Variants in CENATAC observed in about 807,000 individuals in gnomAD.
The protein encoded by CENATAC is centrosomal AT-AC splicing factor.
In CENATAC, 53 loss-of-function variants were observed where a neutral mutation model predicts 53.7. The observed-to-expected ratio is 0.99, with a 90% CI of 0.79 to 1.24. The LOEUF (loss-of-function observed/expected upper bound fraction) is 1.24, where lower values mean the gene tolerates loss of function less well. Among genes scored for constraint, CENATAC ranks in the 50% most tolerant of loss-of-function variants. The pLI is 0.00. For synonymous variants in CENATAC, 156 were observed against 144.6 expected, an observed-to-expected ratio of 1.08 and a Z score of -0.57; for missense variants, 474 against 417.8, an observed-to-expected ratio of 1.13 and a Z score of -1.17.
intron 8 of CENATAC, 36 bp downstream of exon 8, chr11:119,013,298 G>A: frequency 6.5e-7 from 1 of 1,531,022 alleles, no homozygotes; most frequent in East Asian, 2.3e-5. Flanking sequence ...AACCCTGGGA[G>A]ATTTTTTTTT....
At chr11:119,001,963 C>T (rs1942319773) in intron 3 of CENATAC, 1 of 212,306 alleles carries the variant, frequency 4.7e-6, no homozygotes, top group South Asian at 6.6e-5. Flanking sequence ...GTGGCTGACA[C>T]CTGTAATCCC....
intron 9 of CENATAC, 77 bp from the exon 10 acceptor site, chr11:119,015,230 A>T: frequency 6.7e-7 from 1 of 1,503,266 alleles, no homozygotes. Flanking sequence ...GTTTGAAAAC[A>T]GCCTGGACAA....
intron 3 of CENATAC, among the ~76,000 whole-genome samples, chr11:119,006,182 G>T (rs1942586896): frequency 7.1e-6 from 1 of 140,454 alleles, no homozygotes; most frequent in South Asian, 2.2e-4. Flanking sequence ...TGCCTCCCAG[G>T]TTCAAGCGAT....
intron 3 of CENATAC, 26 bp from the exon 4 acceptor site, chr11:119,010,738 G>A: frequency 6.2e-7 from 1 of 1,610,188 alleles, no homozygotes; most frequent in Non-Finnish European, 8.5e-7. Context: ...ATGGGTTCTG[G>A]GTGGTTTTGC....
rs373436467 is a variant in CENATAC at position 118,999,035 on chromosome 11, C to G, written c.309C>G (p.Asn103Lys). 51 of 1,613,950 alleles carry G rather than the reference C, an allele frequency of 3.2e-5. No individual in the cohort carries two copies. In the African/African-American group the frequency reaches 4.1e-4, roughly 13 times the overall value. ...GCCCAGAGCACAAGAAAGCAACCAA[C>G]AAATTCTGGTGGGAGAACAAAGCTG... ...LASPEHKKATNKFWWENKAEV... is the reference protein window; with the variant it reads ...LASPEHKKATKKFWWENKAEV... The change falls in exon 3 of 11, where the codon AAC becomes AAG. Residue 103 changes from asparagine to lysine, a missense_variant. Transcript: ENST00000334418.
In CENATAC at chr11:119,015,563, G is replaced by A. The variant is rs1176255213; in HGVS notation, c.964G>A (p.Ala322Thr). ...ACATCAATTCAAAACTGAAGCTGCAGCAATGAAGAAGCAGTCACATACAGA... is the reference window on the plus strand; with the variant it reads ...ACATCAATTCAAAACTGAAGCTGCAACAATGAAGAAGCAGTCACATACAGA... ...SRHQFKTEAAAMKKQSHTEKS is the reference protein window; with the variant it reads ...SRHQFKTEAATMKKQSHTEKS The change falls in exon 11 of 11, where the codon GCA becomes ACA. Residue 322 changes from alanine (A) to threonine (T), a missense_variant. By Grantham distance (58) the Ala-to-Thr change is moderately conservative. Coordinates refer to ENST00000334418, the MANE Select transcript of CENATAC (RefSeq NM_198489.3). 2 of 1,614,108 alleles carry A rather than the reference G, an allele frequency of 1.2e-6. No homozygotes were observed. Among genetic ancestry groups the A allele is most frequent in the Admixed American group, 1.7e-5 (1 of 60,022 alleles).
chr11:119,010,586 G>A lies in CENATAC; in HGVS notation c.384-178G>A, dbSNP rs1009031484. The A allele has an allele frequency of 1.2e-5, 7 of 589,084 alleles. No homozygotes were observed. In the Admixed American group the frequency reaches 1.8e-4, roughly 15 times the overall value. The allele number at this position is 589,084 out of a possible 1,614,324, so 36.5% of individuals were successfully genotyped here. A position where few individuals can be genotyped will look rare whatever the true frequency, so the allele number is the denominator to read the frequency against. ...GGACGTGTGTCTGTACAAAAGAAGTGGAGCCAGTATGGCAAAATGTTTACA... is the reference window on the plus strand; with the variant it reads ...GGACGTGTGTCTGTACAAAAGAAGTAGAGCCAGTATGGCAAAATGTTTACA... On this transcript the variant is annotated intron_variant, in intron 3 of 10. Coordinates refer to ENST00000334418, the MANE Select transcript of CENATAC (RefSeq NM_198489.3).
At chr11:119,006,497 A>G (rs996949091) in intron 3 of CENATAC, among the ~76,000 whole-genome samples, 3 of 151,822 alleles carry the variant, frequency 2.0e-5, no homozygotes, top group Non-Finnish European at 4.4e-5. Flanking sequence ...CGGCCTCCCA[A>G]AGTCTGGGAT....
intron 8 of CENATAC, 100 bp downstream of exon 8, chr11:119,013,362 C>G: frequency 1.2e-6 from 1 of 824,854 alleles, no homozygotes; most frequent in Non-Finnish European, 2.0e-6. Flanking sequence ...GTGGCGCAAT[C>G]TCAGCTCGCT....
Position 118,998,439 on chromosome 11 carries a change from GC to G in CENATAC, c.133del (p.Arg45AlafsTer33), listed in dbSNP as rs1320945093. ...GGCCTCTCTGCGGCAGGTGGAGGCG[GC>G]CCGCAAGGCCATCCGCGCCGCTCAG... Reference protein sequence around the residue: ...LERLLPQVEAARKAIRAAQVE... With the variant: ...LERLLPQVEAXRKAIRAAQVE... On this transcript the variant is annotated frameshift_variant, in exon 2 of 11. Coordinates refer to ENST00000334418, the MANE Select transcript of CENATAC (RefSeq NM_198489.3). LOFTEE classifies it high-confidence loss of function. 6.2e-7 allele frequency: 1 copy of G among 1,611,868 alleles called. No individual in the cohort carries two copies. Among genetic ancestry groups the G allele is most frequent in the East Asian group, 2.2e-5 (1 of 44,874 alleles).
intron 3 of CENATAC, 28 bp downstream of exon 3, chr11:118,999,137 A>G (rs1327240419): frequency 1.3e-6 from 2 of 1,513,288 alleles, no homozygotes; most frequent in Non-Finnish European, 1.8e-6. Context: ...AACGTGAAGT[A>G]GCAGAGTGAA....
chr11:119,006,336 C>T (rs1262061996), intron 3 of CENATAC, among the ~76,000 whole-genome samples: 1 of 30,780 alleles, frequency 3.2e-5, no homozygotes, highest in Admixed American at 3.4e-4. Context: ...CCTGGGTTCA[C>T]GCCATTCTCC....
rs1942105557 is a variant in CENATAC, at chr11:118,998,193, G to C, written c.-5G>C. On this transcript the variant is annotated 5_prime_UTR_variant, in exon 1 of 11. Transcript: ENST00000334418. ...CTGGTGGTGGTGATACCGGGTACCCGGGCTATGGCGCCGGCGCAGCGCTGC... is the reference window on the plus strand; with the variant it reads ...CTGGTGGTGGTGATACCGGGTACCCCGGCTATGGCGCCGGCGCAGCGCTGC... 1.3e-6 allele frequency: 2 copies of C among 1,577,368 alleles called. No homozygotes were observed. Among genetic ancestry groups the C allele is most frequent in the East Asian group, 4.7e-5 (2 of 42,762 alleles).
chr11:119,014,070 G>C (rs2134575794), intron 8 of CENATAC: 1 of 152,256 alleles, frequency 6.6e-6, no homozygotes, highest in Non-Finnish European at 1.5e-5. Context: ...AAAACAGTTT[G>C]GGATACACCT....
Position 119,003,311 on chromosome 11 carries a change from C to T in CENATAC, c.383+4202C>T, listed in dbSNP as rs57435926. Reference sequence around the variant, plus strand: ...CCTCCGGAGTCGCAATGTCTTGGGCCGCCAGAAGGCTAGTGATACGCGGAT... The same window carrying T: ...CCTCCGGAGTCGCAATGTCTTGGGCTGCCAGAAGGCTAGTGATACGCGGAT... On this transcript the variant is annotated intron_variant, in intron 3 of 10. Transcript: ENST00000334418. The T allele has an allele frequency of 5.9e-3, 3,144 of 530,354 alleles. 48 individuals carry two copies. Among genetic ancestry groups the T allele is most frequent in the South Asian group, 0.024 (1,731 of 71,968 alleles). The allele number at this position is 530,354 out of a possible 1,614,324, so 32.9% of individuals were successfully genotyped here. A position where few individuals can be genotyped will look rare whatever the true frequency, so the allele number is the denominator to read the frequency against.
In CENATAC at chr11:119,015,022, TGAA is replaced by T. The variant is rs782144756; in HGVS notation, c.748_750del (p.Glu250del). ...CCACACCTCCCTGGATGATCCAAGATGAAGAATACATTGCTGGGAACCAAGAAA... is the reference window on the plus strand; with the variant it reads ...CCACACCTCCCTGGATGATCCAAGATGAATACATTGCTGGGAACCAAGAAA... On this transcript the variant is annotated inframe_deletion, in exon 9 of 11. Transcript: ENST00000334418. 138 of 1,609,706 alleles carry T rather than the reference TGAA, an allele frequency of 8.6e-5. No individual in the cohort carries two copies. The highest frequency in any genetic ancestry group is 1.0e-4 in the Non-Finnish European group (123 of 1,178,716).
chr11:119,000,828 C>A (rs1942257531), intron 3 of CENATAC, among the ~76,000 whole-genome samples: 1 of 151,992 alleles, frequency 6.6e-6, no homozygotes, highest in South Asian at 2.1e-4. Flanking sequence ...TGGTCTCGAA[C>A]TTCTGGGCTC....
chr11:119,015,537 G>A lies in CENATAC; in HGVS notation c.939-1G>A. The A allele has an allele frequency of 6.2e-7, 1 of 1,614,036 alleles. No homozygotes were observed. The highest frequency in any genetic ancestry group is 8.5e-7 in the Non-Finnish European group (1 of 1,180,026). Reference sequence around the variant, plus strand: ...CGTGTTAACCCTTTATTTCCTTTCAGACATCAATTCAAAACTGAAGCTGCA... The same window carrying A: ...CGTGTTAACCCTTTATTTCCTTTCAAACATCAATTCAAAACTGAAGCTGCA... On this transcript the variant is annotated splice_acceptor_variant, in intron 10 of 10. Transcript: ENST00000334418. LOFTEE classifies it high-confidence loss of function.
chr11:118,998,503 G>C lies in CENATAC; in HGVS notation c.194G>C (p.Trp65Ser), dbSNP rs782205675. 1.9e-6 allele frequency: 3 copies of C among 1,612,576 alleles called. No individual in the cohort carries two copies. In the African/African-American group the frequency reaches 4.0e-5, roughly 22 times the overall value. The part of the protein sequence containing the change: ...RYVPEHERCC[W>S]CLCCGCEVRE... ...GTGCCCGAACACGAGCGATGCTGCT[G>C]GTGCCTGTGCTGCGGCTGTGAGGTG... Residue 65 changes from tryptophan to serine, a missense_variant, in exon 2 of 11, where the codon TGG (tryptophan) becomes TCG (serine). By Grantham distance (177) the Trp-to-Ser change is radical. Coordinates refer to ENST00000334418, the MANE Select transcript of CENATAC (RefSeq NM_198489.3).
Sources: allele counts gnomAD v4.1 joint callset (sites outside exome capture counted in the v4.1 genomes callset), GRCh38; gene constraint gnomAD v4.1.1; transcripts MANE v1.5; gene names NCBI Gene and HGNC (gene_info 2026-07-23, HGNC 2026-07-21).